Variants in TMCC2 observed in about 807,000 individuals in gnomAD.
The protein encoded by TMCC2 is transmembrane and coiled-coil domain family 2.
TMCC2 carries 16 observed loss-of-function variants against 49.4 expected under a neutral mutation model. The observed-to-expected ratio is 0.32, with a 90% CI of 0.22 to 0.49. The LOEUF is 0.49. TMCC2 is among the 20% of genes least tolerant of loss of function. The pLI is 0.99. For missense variants in TMCC2, 762 were observed against 989.8 expected, an observed-to-expected ratio of 0.77 and a Z score of 3.09; for synonymous variants, 397 against 434.1, an observed-to-expected ratio of 0.91 and a Z score of 1.06.
intron 2 of TMCC2, 45 bp downstream of exon 2, chr1:205,242,089 C>T (rs1660295409): frequency 6.6e-7 from 1 of 1,522,252 alleles, no homozygotes; most frequent in Non-Finnish European, 8.8e-7. Context: ...GAGGCAAGGG[C>T]CATCCGCTGA....
chr1:205,250,269 G>A (rs538536858), intron 2 of TMCC2, among the ~76,000 whole-genome samples: 9 of 152,144 alleles, frequency 5.9e-5, no homozygotes, highest in Non-Finnish European at 1.0e-4. Context: ...GGCCGGGCAC[G>A]GTGGCTCGTG....
intron 1 of TMCC2, among the ~76,000 whole-genome samples, chr1:205,232,866 T>C (rs1454675734): frequency 7.2e-6 from 1 of 138,682 alleles, no homozygotes; most frequent in African/African-American, 2.8e-5. Context: ...GCCCAGGAGG[T>C]TGAAGCTGCA....
Position 205,228,746 on chromosome 1 carries a change from C to A in TMCC2, c.182C>A (p.Pro61His). 1 of 1,608,652 alleles carries A rather than the reference C, an allele frequency of 6.2e-7. No individual in the cohort carries two copies. The change falls in exon 1 of 5, where the codon CCC (proline) becomes CAC (histidine). Residue 61 changes from proline to histidine, a missense_variant. Pro to His is a moderately conservative substitution (Grantham distance 77). Around this residue, in one of 2 missense-constraint regions of TMCC2, gnomAD observed 322 missense variants for 353.1 expected, o/e 0.91. Transcript: ENST00000358024. Reference sequence around the variant, plus strand: ...GCTGCCGCGGCGCCCAACCCAGGTCCCCGAAGCAAGCCTCCTGATTTAAAG... The same window carrying A: ...GCTGCCGCGGCGCCCAACCCAGGTCACCGAAGCAAGCCTCCTGATTTAAAG... Reference protein sequence around the residue: ...AGAAAAPNPGPRSKPPDLKKI... With the variant: ...AGAAAAPNPGHRSKPPDLKKI...
At chr1:205,242,487 G>C (rs1332925784) in intron 2 of TMCC2, among the ~76,000 whole-genome samples, 1 of 152,162 alleles carries the variant, frequency 6.6e-6, no homozygotes, top group Non-Finnish European at 1.5e-5. Flanking sequence ...AAAATACTTG[G>C]AATAGAGCCT....
chr1:205,263,144 C>T (rs1216845308), intron 2 of TMCC2, among the ~76,000 whole-genome samples: 7 of 151,232 alleles, frequency 4.6e-5, no homozygotes, highest in African/African-American at 1.5e-4. Flanking sequence ...CATGCAGGTA[C>T]ACACACACAC....
At chr1:205,256,462 A>G in intron 2 of TMCC2, 1 of 1,527,132 alleles carries the variant, frequency 6.5e-7, no homozygotes, top group Non-Finnish European at 8.9e-7. Context: ...TTGCCAGGGC[A>G]ATGCTGGCAG....
intron 1 of TMCC2, among the ~76,000 whole-genome samples, chr1:205,230,941 G>A (rs1659766218): frequency 6.6e-6 from 1 of 151,090 alleles, no homozygotes; most frequent in Non-Finnish European, 1.5e-5. Context: ...TTGAAATCAG[G>A]TGTAAGAAAA....
chr1:205,259,528 C>T (rs951166568), intron 2 of TMCC2, among the ~76,000 whole-genome samples: 1 of 152,156 alleles, frequency 6.6e-6, no homozygotes, highest in Non-Finnish European at 1.5e-5. Flanking sequence ...CCCTTCCCCT[C>T]CCTCCACACA....
At position 205,228,506 on chromosome 1, in the gene TMCC2, G is replaced by C. The variant is rs532862096; in HGVS notation, c.-59G>C. On this transcript the variant is annotated 5_prime_UTR_variant, in exon 1 of 5. Transcript: ENST00000358024. ...CTCATATGAATATAAGAGGGGGTGC[G>C]GTCTTCCCCAAGACGGCGCGCTGGA... 12 of 1,469,548 alleles carry C rather than the reference G, an allele frequency of 8.2e-6. No homozygotes were observed. The highest frequency in any genetic ancestry group is 1.4e-5 in the African/African-American group (1 of 71,412). 91.0% of individuals were successfully genotyped at this position (1,469,548 alleles called of 1,614,324 possible).
intron 2 of TMCC2, among the ~76,000 whole-genome samples, chr1:205,261,818 A>G (rs954030038): frequency 6.6e-6 from 1 of 152,144 alleles, no homozygotes; most frequent in Non-Finnish European, 1.5e-5. Flanking sequence ...CTGGTAAGTG[A>G]CAGAGCCAGG....
chr1:205,266,801 G>A (rs1192630352), intron 2 of TMCC2, among the ~76,000 whole-genome samples: 2 of 152,238 alleles, frequency 1.3e-5, no homozygotes, highest in African/African-American at 4.8e-5. Flanking sequence ...CACTATGCCA[G>A]CTTGCCAGAC....
intron 1 of TMCC2, among the ~76,000 whole-genome samples, chr1:205,231,203 G>A (rs1313796144): frequency 6.6e-6 from 1 of 152,070 alleles, no homozygotes; most frequent in Non-Finnish European, 1.5e-5. Context: ...GACTTTCACA[G>A]TTTGATTTGC....
At chr1:205,261,879 G>A (rs764656889) in intron 2 of TMCC2, among the ~76,000 whole-genome samples, 4 of 152,002 alleles carry the variant, frequency 2.6e-5, no homozygotes, top group East Asian at 1.9e-4. Flanking sequence ...TTTACCTTCC[G>A]CAGACCCTGT....
chr1:205,272,438 TGC>T lies in TMCC2; in HGVS notation c.*315_*316del. The T allele has an allele frequency of 5.2e-6, 2 of 382,260 alleles. No homozygotes were observed. The highest frequency in any genetic ancestry group is 9.4e-6 in the Non-Finnish European group (2 of 211,800). 23.7% of individuals were successfully genotyped at this position (382,260 alleles called of 1,614,324 possible). Reference sequence around the variant, plus strand: ...GACTTCTCCCAGCTGACCCTCAGGATGCCCCAAGTCAGGAAGACCATTAAGAA... The same window carrying T: ...GACTTCTCCCAGCTGACCCTCAGGATCCCAAGTCAGGAAGACCATTAAGAA... On this transcript the variant is annotated 3_prime_UTR_variant, in exon 5 of 5. Coordinates refer to ENST00000358024, the MANE Select transcript of TMCC2 (RefSeq NM_014858.4).
At chr1:205,271,684 C>T in intron 4 of TMCC2, 129 bp from the exon 5 acceptor site, 3 of 1,245,546 alleles carry the variant, frequency 2.4e-6, no homozygotes, top group East Asian at 5.1e-5. Context: ...AGCTGGTCAA[C>T]CTCCACTCCT....
chr1:205,230,997 T>TCCCCCCCCCCCCCCCCCCCC (rs57350842), intron 1 of TMCC2, among the ~76,000 whole-genome samples: 1 of 42,272 alleles, frequency 2.4e-5, no homozygotes, highest in Non-Finnish European at 5.0e-5. Context: ...CATCCCCCCA[T>TCCCCCCCCCCCCCCCCCCCC]CCCCCCCCCC....
rs550476336 is a variant in TMCC2 at position 205,228,434 on chromosome 1, T to C, written c.-131T>C. 32 of 696,806 alleles carry C rather than the reference T, an allele frequency of 4.6e-5. No individual in the cohort carries two copies. In the Admixed American group the frequency reaches 9.1e-4, roughly 20 times the overall value. 43.2% of individuals were successfully genotyped at this position (696,806 alleles called of 1,614,324 possible). On this transcript the variant is annotated 5_prime_UTR_variant, in exon 1 of 5. Transcript: ENST00000358024. ...AGAATTTTTTTTTTAATTCAAGAAATTGTGGTCTGCCATCTCCCCTCCTTG... is the reference window on the plus strand; with the variant it reads ...AGAATTTTTTTTTTAATTCAAGAAACTGTGGTCTGCCATCTCCCCTCCTTG...
chr1:205,252,596 C>T lies in TMCC2; in HGVS notation c.747+10552C>T, dbSNP rs191169919. ...ATGACCATTTTCCAAACCTCCATTT[C>T]CAAGCAGGCTTGGTGAGCATAAAAG... On this transcript the variant is annotated intron_variant, in intron 2 of 4. Coordinates refer to ENST00000358024, the MANE Select transcript of TMCC2 (RefSeq NM_014858.4). Among the ~76,000 whole-genome samples, 16 of 152,328 alleles carry T rather than the reference C, an allele frequency of 1.1e-4. No homozygotes were observed. In the East Asian group the frequency reaches 3.1e-3, roughly 29 times the overall value.
Position 205,228,456 on chromosome 1 carries a change from C to G in TMCC2, c.-109C>G. 1.1e-6 allele frequency: 1 copy of G among 927,560 alleles called. No homozygotes were observed. The highest frequency in any genetic ancestry group is 1.6e-6 in the Non-Finnish European group (1 of 635,240). 57.5% of individuals were successfully genotyped at this position (927,560 alleles called of 1,614,324 possible). On this transcript the variant is annotated 5_prime_UTR_variant, in exon 1 of 5. Transcript: ENST00000358024. ...AAATTGTGGTCTGCCATCTCCCCTC[C>G]TTGTTAATAATTTAGACCCCAGGCC...
Sources: allele counts gnomAD v4.1 joint callset (sites outside exome capture counted in the v4.1 genomes callset), GRCh38; gene constraint gnomAD v4.1.1; regional missense constraint gnomAD v4.1.1; transcripts MANE v1.5; gene names NCBI Gene and HGNC (gene_info 2026-07-23, HGNC 2026-07-21).